The following SLC2A1 variants were observed in gnomAD, a reference collection of about 807,000 sequenced individuals.
The protein encoded by SLC2A1 is solute carrier family 2 member 1, also known as solute carrier family 2, facilitated glucose transporter member 1.
SLC2A1 carries 4 observed loss-of-function variants against 46.6 expected under a neutral mutation model. The ratio of observed to expected loss-of-function variants is 0.09; its 90% CI spans 0.04 to 0.20. The LOEUF (loss-of-function observed/expected upper bound fraction) is 0.20. Ranked by LOEUF, SLC2A1 falls within the 10% of genes least tolerant of loss-of-function variation. The pLI, the probability that SLC2A1 is intolerant of heterozygous loss-of-function variation, is 1.00. For synonymous variants in SLC2A1, 253 were observed against 270.0 expected, an observed-to-expected ratio of 0.94 and a Z score of 0.62; for missense variants, 352 against 667.0, an observed-to-expected ratio of 0.53 and a Z score of 5.20.
At chr1:42,957,985 A>G (rs1447092283) in intron 1 of SLC2A1, among the ~76,000 whole-genome samples, 1 of 152,094 alleles carries the variant, frequency 6.6e-6, no homozygotes, top group African/African-American at 2.4e-5. Context: ...CCGAGACCGG[A>G]GGTTCATCTC....
At chr1:42,947,104 C>T (rs1049539097) in intron 1 of SLC2A1, among the ~76,000 whole-genome samples, 24 of 152,206 alleles carry the variant, frequency 1.6e-4, no homozygotes, top group African/African-American at 5.3e-4. Context: ...CACCATCTGC[C>T]CCCACCAGCC....
At position 42,958,706 on chromosome 1, in the gene SLC2A1, G is replaced by T; in HGVS notation, c.-55C>A. The T allele has an allele frequency of 6.6e-7, 1 of 1,524,346 alleles. No homozygotes were observed. Among genetic ancestry groups the T allele is most frequent in the Non-Finnish European group, 8.8e-7 (1 of 1,137,042 alleles). The allele number at this position is 1,524,346 out of a possible 1,614,324, so 94.4% of individuals were successfully genotyped here. A position where few individuals can be genotyped will look rare whatever the true frequency, so the allele number is the denominator to read the frequency against. On this transcript the variant is annotated 5_prime_UTR_variant, in exon 1 of 10. Coordinates refer to ENST00000426263, the MANE Select transcript of SLC2A1 (RefSeq NM_006516.4). ...GCCGGGTACGCGGGTGGCGACGGGC[G>T]TGCGAGCGGCGCTCTCCCGCTCAGG...
chr1:42,936,311 C>T (rs942656371), intron 2 of SLC2A1, among the ~76,000 whole-genome samples: 2 of 152,188 alleles, frequency 1.3e-5, no homozygotes, highest in African/African-American at 4.8e-5. Flanking sequence ...CCGGCTTAGC[C>T]TCTCAGCCTG....
At chr1:42,945,747 A>AAAAAAC (rs1553157049) in intron 1 of SLC2A1, among the ~76,000 whole-genome samples, 17 of 139,180 alleles carry the variant, frequency 1.2e-4, no homozygotes, top group African/African-American at 5.0e-4. Context: ...TCAAAAAAAA[A>AAAAAAC]AAAAAACAAA....
At chr1:42,935,103 C>T (rs1327255544) in intron 2 of SLC2A1, among the ~76,000 whole-genome samples, 2 of 152,136 alleles carry the variant, frequency 1.3e-5, no homozygotes, top group East Asian at 1.9e-4. Flanking sequence ...GAGGGAGGAG[C>T]GGTTCTGGTT....
chr1:42,958,607 G>A, intron 1 of SLC2A1, 27 bp downstream of exon 1: 3 of 1,521,236 alleles, frequency 2.0e-6, no homozygotes, highest in Non-Finnish European at 8.8e-7. Flanking sequence ...TGTTCCTGGC[G>A]GGAGGGCCCG....
At chr1:42,928,861 C>A (rs1643455292) in intron 8 of SLC2A1, 71 bp downstream of exon 8, 1 of 1,367,780 alleles carries the variant, frequency 7.3e-7, no homozygotes, top group Non-Finnish European at 1.0e-6. Context: ...GGGGCTGAGA[C>A]AGGCATTTTG....
intron 2 of SLC2A1, among the ~76,000 whole-genome samples, chr1:42,941,940 A>G (rs1462857231): frequency 1.3e-5 from 2 of 152,238 alleles, no homozygotes; most frequent in African/African-American, 4.8e-5. Context: ...TCAGCAGGCC[A>G]AGCCTTCCTG....
At position 42,958,642 on chromosome 1, in the gene SLC2A1, T is replaced by C; in HGVS notation, c.10A>G (p.Ser4Gly). 2.6e-6 allele frequency: 4 copies of C among 1,532,916 alleles called. No homozygotes were observed. Among genetic ancestry groups the C allele is most frequent in the Non-Finnish European group, 3.5e-6 (4 of 1,144,140 alleles). 95.0% of individuals were successfully genotyped at this position (1,532,916 alleles called of 1,614,324 possible). A position where few individuals can be genotyped will look rare whatever the true frequency, so the allele number is the denominator to read the frequency against. Residue 4 changes from serine (S) to glycine (G), a missense_variant, in exon 1 of 10, where the codon AGC (serine) becomes GGC (glycine). Ser to Gly is a moderately conservative substitution (Grantham distance 56). Coordinates refer to ENST00000426263, the MANE Select transcript of SLC2A1 (RefSeq NM_006516.4). MEPSSKKLTGRLML... is the reference protein window; with the variant it reads MEPGSKKLTGRLML... Reference sequence around the variant, plus strand: ...GCGGGCGCGCGACTCACCTTGCTGCTGGGCTCCATGGCAGCGCTGCGCTGG... The same window carrying C: ...GCGGGCGCGCGACTCACCTTGCTGCCGGGCTCCATGGCAGCGCTGCGCTGG...
rs1041346512 is a variant in SLC2A1, at chr1:42,958,702, G to A, written c.-51C>T. 6.5e-6 allele frequency: 10 copies of A among 1,527,514 alleles called. 1 individual carries two copies. Among genetic ancestry groups the A allele is most frequent in the South Asian group, 2.4e-5 (2 of 83,230 alleles). The allele number at this position is 1,527,514 out of a possible 1,614,324, so 94.6% of individuals were successfully genotyped here. On this transcript the variant is annotated 5_prime_UTR_variant, in exon 1 of 10. Transcript: ENST00000426263. The stretch of plus-strand genomic sequence containing the variant: ...CTGCGCCGGGTACGCGGGTGGCGAC[G>A]GGCGTGCGAGCGGCGCTCTCCCGCT...
intron 1 of SLC2A1, chr1:42,951,582 C>T: frequency 2.8e-6 from 1 of 357,422 alleles, no homozygotes; most frequent in Middle Eastern, 7.2e-4. Context: ...AAAGAGAAGT[C>T]TTTAGGGTAA....
At chr1:42,947,594 A>C (rs981218238) in intron 1 of SLC2A1, among the ~76,000 whole-genome samples, 5 of 151,154 alleles carry the variant, frequency 3.3e-5, no homozygotes, top group Admixed American at 3.3e-4. Context: ...AAAAAAAAAA[A>C]AAAAAAAAAA....
chr1:42,928,320 A>C (rs1643450011), intron 8 of SLC2A1, among the ~76,000 whole-genome samples: 1 of 152,190 alleles, frequency 6.6e-6, no homozygotes, highest in Admixed American at 6.5e-5. Flanking sequence ...GCCCAGGTTG[A>C]GCTGTAAAAT....
chr1:42,958,841 C>A lies in SLC2A1; in HGVS notation c.-190G>T. Reference sequence around the variant, plus strand: ...GGGGACCCGCGACTAGCGACCGGCACGCTCGCTGTTGCTACCTCTTGCCTC... The same window carrying A: ...GGGGACCCGCGACTAGCGACCGGCAAGCTCGCTGTTGCTACCTCTTGCCTC... On this transcript the variant is annotated 5_prime_UTR_variant, in exon 1 of 10. Coordinates refer to ENST00000426263, the MANE Select transcript of SLC2A1 (RefSeq NM_006516.4). 6.9e-6 allele frequency: 4 copies of A among 583,148 alleles called. No individual in the cohort carries two copies. In the East Asian group the frequency reaches 1.3e-4, roughly 19 times the overall value. 36.1% of individuals were successfully genotyped at this position (583,148 alleles called of 1,614,324 possible). A position where few individuals can be genotyped will look rare whatever the true frequency, so the allele number is the denominator to read the frequency against.
intron 1 of SLC2A1, among the ~76,000 whole-genome samples, chr1:42,943,720 G>T (rs1570601353): frequency 6.6e-6 from 1 of 152,178 alleles, no homozygotes. Context: ...TACTTGGTAG[G>T]AATAGCACAG....
intron 2 of SLC2A1, among the ~76,000 whole-genome samples, chr1:42,934,685 G>A (rs948604300): frequency 2.0e-5 from 3 of 152,198 alleles, no homozygotes; most frequent in Non-Finnish European, 2.9e-5. Flanking sequence ...CAATCCCGCC[G>A]GCTCCCAGCA....
intron 1 of SLC2A1, chr1:42,952,285 C>T: frequency 2.4e-6 from 1 of 420,668 alleles, no homozygotes; most frequent in Non-Finnish European, 4.8e-6. Context: ...CACAAATAGC[C>T]CGGGCTTCTA....
In SLC2A1 at chr1:42,928,936, A is replaced by G. The variant is rs1454569723; in HGVS notation, c.1070T>C (p.Leu357Pro). ...CTCCAGAACCTAGCAACTCACCAGC[A>G]GTGCTAGCGCGATGGTCATGAGTAT... Reference protein sequence around the residue: ...CAILMTIALALLEQLPWMSYL... With the variant: ...CAILMTIALAPLEQLPWMSYL... Residue 357 changes from leucine (L) to proline (P), a missense_variant, in exon 8 of 10, where the codon CTG becomes CCG. By Grantham distance (98) the Leu-to-Pro change is moderately conservative (BLOSUM62 -3). This residue lies in a region of SLC2A1 where 167 missense variants were observed against 280.8 expected (regional missense o/e 0.59). Transcript: ENST00000426263. 6.2e-7 allele frequency: 1 copy of G among 1,613,334 alleles called. No individual in the cohort carries two copies. Among genetic ancestry groups the G allele is most frequent in the Non-Finnish European group, 8.5e-7 (1 of 1,179,504 alleles).
At position 42,929,928 on chromosome 1, in the gene SLC2A1, G is replaced by A. The variant is rs778522408; in HGVS notation, c.624C>T (p.Pro208=). ...TGATGAGCAGGAAGCGGGGACTCTCGGGGCAGAAGGGCAGCACGATGCACT... is the reference window on the plus strand; with the variant it reads ...TGATGAGCAGGAAGCGGGGACTCTCAGGGCAGAAGGGCAGCACGATGCACT... ...LLQCIVLPFC[P]ESPRFLLINR... Residue 208 remains proline, a synonymous_variant, in exon 5 of 10, where the codon CCC becomes CCT. Coordinates refer to ENST00000426263, the MANE Select transcript of SLC2A1 (RefSeq NM_006516.4). This position sits in a 1 kb window ranked among gnomAD's most constrained non-coding sequence, Gnocchi z 6.0. 7.4e-6 allele frequency: 12 copies of A among 1,614,014 alleles called. No individual in the cohort carries two copies. Among genetic ancestry groups the A allele is most frequent in the Admixed American group, 3.3e-5 (2 of 59,998 alleles).
Sources: gnomAD v4.1 joint callset for allele counts (sites outside exome capture counted in the v4.1 genomes callset) on GRCh38, gnomAD v4.1.1 for gene constraint, gnomAD v4.1.1 regional missense constraint, Gnocchi (gnomAD v3.1) non-coding constraint, MANE v1.5 for transcripts, NCBI Gene and HGNC (gene_info 2026-07-23, HGNC 2026-07-21) for gene names.